SAMTOR: variants seen among roughly 807,000 people sequenced by gnomAD.
SAMTOR encodes S-adenosylmethionine sensor upstream of mTORC1.
the SAMTOR span, among the ~76,000 whole-genome samples, chr7:112,914,022 T>C: frequency 6.6e-6 from 1 of 152,192 alleles, no homozygotes; most frequent in Non-Finnish European, 1.5e-5. Flanking sequence ...CTAGTGCCTA[T>C]AATATGACTG....
the SAMTOR span, among the ~76,000 whole-genome samples, chr7:112,858,417 G>C: frequency 1.3e-5 from 2 of 151,212 alleles, no homozygotes; most frequent in Non-Finnish European, 2.9e-5. Context: ...TTTGAAAGCA[G>C]CAATGTAAAA....
chr7:112,884,047 AAGG>A, the SAMTOR span, among the ~76,000 whole-genome samples: 86 of 152,306 alleles, frequency 5.6e-4, no homozygotes, highest in East Asian at 0.013. Context: ...TGGTGGCAGC[AAGG>A]AGAAGTGCAG....
the SAMTOR span, among the ~76,000 whole-genome samples, chr7:112,890,327 G>A: frequency 1.3e-5 from 2 of 151,768 alleles, no homozygotes; most frequent in African/African-American, 4.8e-5. Context: ...GCAGATACTG[G>A]TGCAACCCCT....
chr7:112,848,608 G>C, the SAMTOR span, among the ~76,000 whole-genome samples: 1 of 152,152 alleles, frequency 6.6e-6, no homozygotes, highest in East Asian at 1.9e-4. Flanking sequence ...TCAAATGGAG[G>C]GGGATGGTGG....
the SAMTOR span, among the ~76,000 whole-genome samples, chr7:112,914,276 G>GTTTTTTTT: frequency 2.3e-5 from 3 of 131,002 alleles, no homozygotes; most frequent in Non-Finnish European, 3.2e-5. Flanking sequence ...TTAGCCTCTA[G>GTTTTTTTT]TTTTTTTTTT....
the SAMTOR span, among the ~76,000 whole-genome samples, chr7:112,873,957 C>T: frequency 6.6e-5 from 10 of 151,994 alleles, no homozygotes; most frequent in African/African-American, 1.9e-4. Flanking sequence ...AAAAAATGTT[C>T]CACGTCACTA....
At chr7:112,921,613 A>C in the SAMTOR span, among the ~76,000 whole-genome samples, 1 of 147,046 alleles carries the variant, frequency 6.8e-6, no homozygotes, top group Non-Finnish European at 1.5e-5. Context: ...TAATTAAACT[A>C]AAGAGCTTCT....
chr7:112,869,233 G>A, the SAMTOR span, among the ~76,000 whole-genome samples: 1 of 152,102 alleles, frequency 6.6e-6, no homozygotes, highest in African/African-American at 2.4e-5. Context: ...TACATGCTGG[G>A]GACCAGAGCG....
the SAMTOR span, among the ~76,000 whole-genome samples, chr7:112,902,462 C>CAAAAAAAAAAAAAAAAAAAAA: frequency 2.4e-5 from 2 of 83,708 alleles, no homozygotes; most frequent in Admixed American, 1.3e-4. Flanking sequence ...AAAAAAAAAC[C>CAAAAAAAAAAAAAAAAAAAAA]AAAAAAGTTG....
the SAMTOR span, chr7:112,939,221 T>C: frequency 4.5e-5 from 11 of 242,980 alleles, no homozygotes; most frequent in East Asian, 1.2e-3. Context: ...GGATTTTACC[T>C]GTCTTGTTTT....
chr7:112,930,468 CA>C, the SAMTOR span, among the ~76,000 whole-genome samples: 1 of 148,804 alleles, frequency 6.7e-6, no homozygotes, highest in Non-Finnish European at 1.5e-5. Flanking sequence ...AATATTCTGA[CA>C]TGCTAAAAAG....
chr7:112,923,240 G>A, the SAMTOR span, among the ~76,000 whole-genome samples: 23 of 152,136 alleles, frequency 1.5e-4, no homozygotes, highest in South Asian at 8.3e-4. Context: ...GATTAAGGGC[G>A]GTGCAAGATG....
chr7:112,910,246 C>T, the SAMTOR span, among the ~76,000 whole-genome samples: 2 of 151,978 alleles, frequency 1.3e-5, no homozygotes, highest in African/African-American at 4.8e-5. Flanking sequence ...CCCACAACCC[C>T]GTTGTCCTAA....
chr7:112,855,921 C>A, the SAMTOR span, among the ~76,000 whole-genome samples: 6 of 151,250 alleles, frequency 4.0e-5, no homozygotes, highest in Admixed American at 3.9e-4. Flanking sequence ...AAAAAAAAAA[C>A]TTTTACTTTC....
the SAMTOR span, among the ~76,000 whole-genome samples, chr7:112,893,647 T>A: frequency 1.3e-5 from 2 of 152,198 alleles, no homozygotes; most frequent in Non-Finnish European, 2.9e-5. Context: ...TTAAAAATAA[T>A]TTTTCCTTCA....
the SAMTOR span, among the ~76,000 whole-genome samples, chr7:112,843,946 T>C: frequency 1.2e-4 from 19 of 152,270 alleles, 1 homozygote; most frequent in South Asian, 3.7e-3. Context: ...AAGTAGGCTT[T>C]ATCCCTGGGA....
At chr7:112,900,648 T>C in the SAMTOR span, among the ~76,000 whole-genome samples, 1 of 152,264 alleles carries the variant, frequency 6.6e-6, no homozygotes, top group African/African-American at 2.4e-5. Context: ...ACTATAAAGC[T>C]ACAGTAATCA....
At chr7:112,870,721 A>T in the SAMTOR span, among the ~76,000 whole-genome samples, 13 of 151,648 alleles carry the variant, frequency 8.6e-5, no homozygotes, top group Non-Finnish European at 1.8e-4. Flanking sequence ...TAAATGCTCC[A>T]TTAGAAAGAC....
At chr7:112,911,368 A>T in the SAMTOR span, among the ~76,000 whole-genome samples, 1 of 152,184 alleles carries the variant, frequency 6.6e-6, no homozygotes, top group Non-Finnish European at 1.5e-5. Context: ...GAAACCACCT[A>T]AAGAGGTCAT....
Sources: allele counts gnomAD v4.1 joint callset (sites outside exome capture counted in the v4.1 genomes callset), GRCh38; gene constraint gnomAD v4.1.1; transcripts MANE v1.5; gene names NCBI Gene and HGNC (gene_info 2026-07-23, HGNC 2026-07-21).